The following GMDS variants were observed in gnomAD, a reference collection of about 807,000 sequenced individuals.
The protein encoded by GMDS is GDP-mannose 4,6-dehydratase.
Under a neutral mutation model 49.9 loss-of-function variants are expected in GMDS, and 20 were observed. That is an observed-to-expected ratio of 0.40 (90% CI 0.28 to 0.58). The LOEUF (loss-of-function observed/expected upper bound fraction) is 0.58, where lower values mean the gene tolerates loss of function less well. GMDS is among the 20% of genes least tolerant of loss of function. The pLI is 0.42. For synonymous variants in GMDS, 177 were observed against 178.6 expected, an observed-to-expected ratio of 0.99 and a Z score of 0.07; for missense variants, 362 against 481.4, an observed-to-expected ratio of 0.75 and a Z score of 2.32.
intron 7 of GMDS, among the ~76,000 whole-genome samples, chr6:1,815,625 A>G (rs150866880): frequency 1.7e-3 from 259 of 152,316 alleles, no homozygotes; most frequent in African/African-American, 5.9e-3. Flanking sequence ...TTTTTCAAAC[A>G]TCTTTTATTA....
At chr6:1,646,339 G>A (rs1763482804) in intron 9 of GMDS, among the ~76,000 whole-genome samples, 1 of 151,990 alleles carries the variant, frequency 6.6e-6, no homozygotes, top group African/African-American at 2.4e-5. Flanking sequence ...TTCCACCTAG[G>A]GCTTTTCTGT....
At chr6:1,633,282 T>C (rs1467978036) in intron 9 of GMDS, among the ~76,000 whole-genome samples, 2 of 152,234 alleles carry the variant, frequency 1.3e-5, no homozygotes, top group Non-Finnish European at 2.9e-5. Context: ...AGATAATCAT[T>C]TTCTGAATAG....
intron 1 of GMDS, among the ~76,000 whole-genome samples, chr6:2,162,281 G>C (rs977137312): frequency 3.9e-5 from 6 of 152,162 alleles, no homozygotes; most frequent in African/African-American, 1.4e-4. Flanking sequence ...TTGTGAGTAA[G>C]CCACAGCGTA....
chr6:2,053,133 C>T (rs955060424), intron 4 of GMDS, among the ~76,000 whole-genome samples: 10 of 152,068 alleles, frequency 6.6e-5, no homozygotes, highest in African/African-American at 2.2e-4. Flanking sequence ...TACTGTTTCC[C>T]CATCCATTGA....
At chr6:1,740,186 AAT>A (rs1238897329) in intron 8 of GMDS, among the ~76,000 whole-genome samples, 4 of 152,176 alleles carry the variant, frequency 2.6e-5, no homozygotes, top group African/African-American at 7.2e-5. Context: ...AATTTGTTAA[AAT>A]ATGTTAGAGA....
At chr6:1,910,482 C>T (rs4959160) in intron 7 of GMDS, among the ~76,000 whole-genome samples, 78,057 of 151,806 alleles carry the variant, frequency 0.51, 23,455 homozygotes, top group East Asian at 0.83. Flanking sequence ...TACTGCTGTA[C>T]GGAAAAAGTG....
At chr6:1,816,781 T>C (rs1770688341) in intron 7 of GMDS, among the ~76,000 whole-genome samples, 1 of 152,036 alleles carries the variant, frequency 6.6e-6, no homozygotes, top group Admixed American at 6.6e-5. Flanking sequence ...AAATACAGAT[T>C]TGTTTTTCTC....
intron 7 of GMDS, among the ~76,000 whole-genome samples, chr6:1,773,733 C>A (rs574125508): frequency 1.3e-5 from 2 of 152,346 alleles, no homozygotes; most frequent in South Asian, 2.1e-4. Context: ...AAGGAAGAAA[C>A]TACCGTGGAG....
intron 9 of GMDS, among the ~76,000 whole-genome samples, chr6:1,681,918 T>C (rs1581451693): frequency 6.6e-6 from 1 of 152,130 alleles, no homozygotes; most frequent in East Asian, 1.9e-4. Context: ...CTGGTCTCAA[T>C]TCTTGGGCTC....
chr6:2,218,059 G>GA (rs1780418124), intron 1 of GMDS, among the ~76,000 whole-genome samples: 1 of 152,200 alleles, frequency 6.6e-6, no homozygotes, highest in Admixed American at 6.5e-5. Context: ...ACGATCACCT[G>GA]TGGGGGTACC....
At chr6:2,210,525 C>G (rs1780016572) in intron 1 of GMDS, among the ~76,000 whole-genome samples, 1 of 152,092 alleles carries the variant, frequency 6.6e-6, no homozygotes, top group South Asian at 2.1e-4. Flanking sequence ...GTATGGGGTT[C>G]ATTTCAGACC....
chr6:2,192,406 A>G (rs1228030531), intron 1 of GMDS, among the ~76,000 whole-genome samples: 2 of 152,160 alleles, frequency 1.3e-5, no homozygotes, highest in African/African-American at 4.8e-5. Flanking sequence ...AGAACTCAGG[A>G]CCCACTAAAT....
At chr6:2,197,871 C>T (rs1779342483) in intron 1 of GMDS, among the ~76,000 whole-genome samples, 1 of 152,180 alleles carries the variant, frequency 6.6e-6, no homozygotes, top group African/African-American at 2.4e-5. Flanking sequence ...GCAGATTTTA[C>T]TTTCTGTCAT....
intron 7 of GMDS, among the ~76,000 whole-genome samples, chr6:1,873,537 C>G (rs1260211860): frequency 6.6e-6 from 1 of 152,166 alleles, no homozygotes; most frequent in Non-Finnish European, 1.5e-5. Flanking sequence ...AATGAAATGC[C>G]AGCTGACATA....
At chr6:2,198,958 C>T (rs1779392013) in intron 1 of GMDS, among the ~76,000 whole-genome samples, 1 of 152,168 alleles carries the variant, frequency 6.6e-6, no homozygotes, top group South Asian at 2.1e-4. Flanking sequence ...TACAGCTTTG[C>T]TTATGATGTC....
intron 6 of GMDS, among the ~76,000 whole-genome samples, chr6:1,935,038 T>C (rs1482136822): frequency 6.6e-6 from 1 of 152,218 alleles, no homozygotes; most frequent in Admixed American, 6.5e-5. Context: ...TGTGAATTAT[T>C]ATAGCACATG....
At position 2,179,907 on chromosome 6, in the gene GMDS, C is replaced by G. The variant is rs115956092; in HGVS notation, c.103-55176G>C. The stretch of plus-strand genomic sequence containing the variant: ...CACTCATCTATCTCAAAACACCCAT[C>G]GTTTAGAAATAGAAATGAAACTTAA... On this transcript the variant is annotated intron_variant, in intron 1 of 10. Coordinates refer to ENST00000380815, the MANE Select transcript of GMDS (RefSeq NM_001500.4). 2.8e-5 allele frequency among the ~76,000 whole-genome samples: 4 copies of G among 142,342 alleles called. No individual in the cohort carries two copies. The East Asian group carries it at 9.7e-4, about 34-fold the overall frequency. 93.4% of individuals were successfully genotyped at this position (142,342 alleles called of 152,430 possible).
chr6:2,095,160 G>A (rs767108208), intron 4 of GMDS, among the ~76,000 whole-genome samples: 1 of 152,118 alleles, frequency 6.6e-6, no homozygotes, highest in Non-Finnish European at 1.5e-5. Flanking sequence ...CAGTCGGCCA[G>A]GTTGCAGTGG....
chr6:2,027,997 G>C (rs979986902), intron 4 of GMDS, among the ~76,000 whole-genome samples: 1 of 151,968 alleles, frequency 6.6e-6, no homozygotes, highest in African/African-American at 2.4e-5. Context: ...TTTAAAAAAA[G>C]CTTCAAAACT....
Sources: gnomAD v4.1 joint callset for allele counts (sites outside exome capture counted in the v4.1 genomes callset) on GRCh38, gnomAD v4.1.1 for gene constraint, MANE v1.5 for transcripts, NCBI Gene and HGNC (gene_info 2026-07-23, HGNC 2026-07-21) for gene names.